MED27: variants seen among roughly 807,000 people sequenced by gnomAD.
MED27 encodes mediator of RNA polymerase II transcription subunit 27.
In MED27, 30 loss-of-function variants were observed where a neutral mutation model predicts 38.2. That is an observed-to-expected ratio of 0.79 (90% CI 0.59 to 1.07). The LOEUF (loss-of-function observed/expected upper bound fraction) is 1.07, where lower values mean the gene tolerates loss of function less well. Among genes scored for constraint, MED27 ranks in the 50% least tolerant of loss-of-function variants. MED27 has a pLI of 0.00. For missense variants in MED27, 289 were observed against 397.5 expected, an observed-to-expected ratio of 0.73 and a Z score of 2.32; for synonymous variants, 122 against 153.5, an observed-to-expected ratio of 0.79 and a Z score of 1.52.
In MED27 at chr9:132,030,972, C is replaced by T. The variant is rs143984361; in HGVS notation, c.349-16505G>A. Among the ~76,000 whole-genome samples the T allele has an allele frequency of 4.8e-3, 726 of 152,318 alleles. 5 individuals carry two copies. Among genetic ancestry groups the T allele is most frequent in the Non-Finnish European group, 7.9e-3 (540 of 68,030 alleles). Reference sequence around the variant, plus strand: ...CAGAGTGAAGTATACTAAACACCTACCCTGAACAGAAGGGAAGGTTGGGAG... The same window carrying T: ...CAGAGTGAAGTATACTAAACACCTATCCTGAACAGAAGGGAAGGTTGGGAG... On this transcript the variant is annotated intron_variant, in intron 2 of 7. Coordinates refer to ENST00000292035, the MANE Select transcript of MED27 (RefSeq NM_004269.4).
At chr9:131,998,180 A>G (rs1832138300) in intron 3 of MED27, among the ~76,000 whole-genome samples, 1 of 151,928 alleles carries the variant, frequency 6.6e-6, no homozygotes, top group African/African-American at 2.4e-5. Flanking sequence ...AAAGGGAAGG[A>G]GCGCACTTGG....
intron 4 of MED27, among the ~76,000 whole-genome samples, chr9:131,896,177 A>G (rs926337267): frequency 1.3e-5 from 2 of 152,218 alleles, no homozygotes; most frequent in African/African-American, 4.8e-5. Flanking sequence ...CTGGGATTAC[A>G]GGCACGAGCC....
At chr9:131,869,784 C>T (rs533959798) in intron 6 of MED27, among the ~76,000 whole-genome samples, 5 of 152,268 alleles carry the variant, frequency 3.3e-5, no homozygotes, top group Admixed American at 2.6e-4. Context: ...TGGTTCACCC[C>T]AAGGCAGAGA....
intron 5 of MED27, among the ~76,000 whole-genome samples, chr9:131,890,034 T>G (rs1375489698): frequency 7.2e-5 from 11 of 152,252 alleles, no homozygotes; most frequent in Admixed American, 7.2e-4. Flanking sequence ...ATTTGGGATG[T>G]GCCAGACAAT....
At chr9:131,914,793 G>A (rs758703634) in intron 4 of MED27, among the ~76,000 whole-genome samples, 1 of 152,214 alleles carries the variant, frequency 6.6e-6, no homozygotes, top group Non-Finnish European at 1.5e-5. Flanking sequence ...CAGTTGGGAG[G>A]ATGTGGAGAA....
chr9:131,971,350 A>G (rs1831471444), intron 3 of MED27, among the ~76,000 whole-genome samples: 1 of 152,256 alleles, frequency 6.6e-6, no homozygotes, highest in African/African-American at 2.4e-5. Context: ...GAAGAAGCTT[A>G]GCAAGGACAG....
chr9:131,965,115 T>C (rs1831309773), intron 3 of MED27, among the ~76,000 whole-genome samples: 1 of 152,242 alleles, frequency 6.6e-6, no homozygotes, highest in South Asian at 2.1e-4. Flanking sequence ...AAATAAATTA[T>C]TCATGAAGCT....
chr9:131,975,261 AG>A (rs1441836244), intron 3 of MED27, among the ~76,000 whole-genome samples: 1 of 152,250 alleles, frequency 6.6e-6, no homozygotes, highest in Non-Finnish European at 1.5e-5. Flanking sequence ...CTCCACTATG[AG>A]AAGTTCACCT....
chr9:131,957,146 T>C (rs1831122588), intron 3 of MED27, among the ~76,000 whole-genome samples: 1 of 152,200 alleles, frequency 6.6e-6, no homozygotes, highest in Admixed American at 6.5e-5. Context: ...GAGGTAAATA[T>C]ACACATACAA....
chr9:131,898,453 G>A (rs1460572536), intron 4 of MED27, among the ~76,000 whole-genome samples: 1 of 152,110 alleles, frequency 6.6e-6, no homozygotes, highest in Non-Finnish European at 1.5e-5. Flanking sequence ...GACCTCAGGT[G>A]ATCCACCCGC....
Position 131,982,254 on chromosome 9 carries a change from G to A in MED27, c.479+32083C>T, listed in dbSNP as rs1042251206. 6.6e-6 allele frequency among the ~76,000 whole-genome samples: 1 copy of A among 152,178 alleles called. No homozygotes were observed. The highest frequency in any genetic ancestry group is 2.4e-5 in the African/African-American group (1 of 41,450). ...GCAGCTTTTGCTTTCGCACTCTTGG[G>A]AACCCTGAACTGCCACCTAAGAAGT... On this transcript the variant is annotated intron_variant, in intron 3 of 7. Transcript: ENST00000292035. This position sits in a 1 kb window ranked among gnomAD's most constrained non-coding sequence, Gnocchi z 4.3.
At chr9:131,911,285 T>C (rs1830182350) in intron 4 of MED27, among the ~76,000 whole-genome samples, 1 of 152,308 alleles carries the variant, frequency 6.6e-6, no homozygotes, top group Admixed American at 6.5e-5. Context: ...TAGGAGGATT[T>C]TGGCACTAAG....
intron 3 of MED27, among the ~76,000 whole-genome samples, chr9:131,966,924 G>A (rs1459931851): frequency 6.6e-6 from 1 of 152,212 alleles, no homozygotes; most frequent in Non-Finnish European, 1.5e-5. Context: ...ATGCTCACCA[G>A]AGCTATGACC....
At chr9:131,987,225 G>A (rs891555752) in intron 3 of MED27, among the ~76,000 whole-genome samples, 7 of 151,920 alleles carry the variant, frequency 4.6e-5, no homozygotes, top group African/African-American at 1.7e-4. Context: ...TAATGCTGGT[G>A]CATCTTTTAC....
intron 3 of MED27, among the ~76,000 whole-genome samples, chr9:131,969,166 C>G (rs1200508476): frequency 8.6e-6 from 1 of 116,470 alleles, no homozygotes; most frequent in Non-Finnish European, 1.8e-5. Flanking sequence ...CCTGAAACCA[C>G]CCCCCGCTCC....
intron 4 of MED27, among the ~76,000 whole-genome samples, chr9:131,931,250 T>C (rs565220944): frequency 6.6e-6 from 1 of 151,584 alleles, no homozygotes; most frequent in African/African-American, 2.4e-5. Flanking sequence ...ATCTCAAAAA[T>C]AAATAAATAA....
intron 4 of MED27, among the ~76,000 whole-genome samples, chr9:131,906,547 C>CT (rs1207388452): frequency 6.6e-6 from 1 of 152,192 alleles, no homozygotes; most frequent in Non-Finnish European, 1.5e-5. Flanking sequence ...TGGAAAGCTA[C>CT]TGTAGGGCTT....
At chr9:131,951,842 T>A (rs565631439) in intron 3 of MED27, among the ~76,000 whole-genome samples, 1 of 152,348 alleles carries the variant, frequency 6.6e-6, no homozygotes. Context: ...CCTCGAAGCA[T>A]GAGCTTTAAA....
intron 2 of MED27, among the ~76,000 whole-genome samples, chr9:132,035,629 C>T (rs544586803): frequency 3.4e-4 from 52 of 152,274 alleles, no homozygotes; most frequent in African/African-American, 1.2e-3. Flanking sequence ...AACCGTCTGA[C>T]AGAGGGGAAA....
Sources: gnomAD v4.1 joint callset for allele counts (sites outside exome capture counted in the v4.1 genomes callset) on GRCh38, gnomAD v4.1.1 for gene constraint, Gnocchi (gnomAD v3.1) non-coding constraint, MANE v1.5 for transcripts, NCBI Gene and HGNC (gene_info 2026-07-23, HGNC 2026-07-21) for gene names.